Variants in NPR1 observed in about 807,000 individuals in gnomAD.
NPR1 encodes atrial natriuretic peptide receptor 1.
Under a neutral mutation model 116.9 loss-of-function variants are expected in NPR1, and 57 were observed. The ratio of observed to expected loss-of-function variants is 0.49; its 90% CI spans 0.39 to 0.61. The LOEUF (loss-of-function observed/expected upper bound fraction) is 0.61, where lower values mean the gene tolerates loss of function less well. Ranked by LOEUF, NPR1 falls within the 20% of genes least tolerant of loss-of-function variation. The pLI, the probability that NPR1 is intolerant of heterozygous loss-of-function variation, is 0.00. For missense variants in NPR1, 1,096 were observed against 1,409.8 expected, an observed-to-expected ratio of 0.78 and a Z score of 3.56; for synonymous variants, 555 against 601.6, an observed-to-expected ratio of 0.92 and a Z score of 1.13.
rs1208607085 is a variant in NPR1 at position 153,685,024 on chromosome 1, T to G, written c.1545T>G (p.Val515=). Residue 515 remains valine, a synonymous_variant, in exon 8 of 22, where the codon GTT becomes GTG. Transcript: ENST00000368680. ...SELWRVRWED[V]EPSSLERHLR... The stretch of plus-strand genomic sequence containing the variant: ...TGTGGCGGGTGCGCTGGGAGGACGT[T>G]GAGCCCAGTAGCCTTGAGAGGCACC... The G allele has an allele frequency of 6.2e-7, 1 of 1,614,032 alleles. No individual in the cohort carries two copies. Among genetic ancestry groups the G allele is most frequent in the Non-Finnish European group, 8.5e-7 (1 of 1,179,982 alleles).
At chr1:153,688,928 C>T (rs769835579) in intron 15 of NPR1, 25 bp from the exon 16 acceptor site, 12 of 1,613,534 alleles carry the variant, frequency 7.4e-6, no homozygotes, top group Non-Finnish European at 1.0e-5. Context: ...CTCTTACCAC[C>T]CCCACCGCCA....
At chr1:153,680,314 C>G (rs1355447879) in intron 1 of NPR1, among the ~76,000 whole-genome samples, 187 bp from the exon 2 acceptor site, 2 of 150,102 alleles carry the variant, frequency 1.3e-5, no homozygotes, top group Non-Finnish European at 3.0e-5. Context: ...CGCCCCGCAC[C>G]CGCCCGTTCC....
In NPR1 at chr1:153,680,488, C is replaced by A; in HGVS notation, c.722-13C>A. The A allele has an allele frequency of 3.7e-6, 6 of 1,613,560 alleles. No homozygotes were observed. Among genetic ancestry groups the A allele is most frequent in the East Asian group, 4.5e-5 (2 of 44,878 alleles). On this transcript the variant is annotated splice_polypyrimidine_tract_variant and intron_variant, in intron 1 of 21. Coordinates refer to ENST00000368680, the MANE Select transcript of NPR1 (RefSeq NM_000906.4). Reference sequence around the variant, plus strand: ...ACCTAGGCTTCTCTCTCTGACTCTCCGTCTTTCTCCAGTTATCTACATCTG... The same window carrying A: ...ACCTAGGCTTCTCTCTCTGACTCTCAGTCTTTCTCCAGTTATCTACATCTG...
chr1:153,685,963 A>G, intron 9 of NPR1, 83 bp downstream of exon 9: 1 of 1,457,300 alleles, frequency 6.9e-7, no homozygotes, highest in South Asian at 1.1e-5. Context: ...GTTCTGAGGG[A>G]AGGAGTAAGC....
Position 153,679,560 on chromosome 1 carries a change from A to T in NPR1, c.452A>T (p.Glu151Val), listed in dbSNP as rs1413374027. The T allele has an allele frequency of 6.4e-7, 1 of 1,553,922 alleles. No homozygotes were observed. The change falls in exon 1 of 22, where the codon GAG becomes GTG. Residue 151 changes from glutamate (E) to valine (V), a missense_variant. Glu to Val is a moderately radical substitution (Grantham distance 121). Transcript: ENST00000368680. The surrounding 1 kb of genome is among the most constrained non-coding windows in gnomAD (Gnocchi z 4.2). Reference sequence around the variant, plus strand: ...GCGCTGGGCTTCGGTGTCAAGGACGAGTATGCGCTGACCACCCGCGCGGGG... The same window carrying T: ...GCGCTGGGCTTCGGTGTCAAGGACGTGTATGCGCTGACCACCCGCGCGGGG... ...APALGFGVKD[E>V]YALTTRAGPS... is the part of the protein sequence containing the mutation.
Position 153,679,303 on chromosome 1 carries a change from G to T in NPR1, c.195G>T (p.Gln65His). Reference sequence around the variant, plus strand: ...CCGCCGTGGAGCTGGCCCTGGCCCAGGTGAAGGCGCGCCCCGACTTGCTGC... The same window carrying T: ...CCGCCGTGGAGCTGGCCCTGGCCCATGTGAAGGCGCGCCCCGACTTGCTGC... Reference protein sequence around the residue: ...VGPAVELALAQVKARPDLLPG... With the variant: ...VGPAVELALAHVKARPDLLPG... Residue 65 changes from glutamine (Q) to histidine (H), a missense_variant, in exon 1 of 22, where the codon CAG (glutamine) becomes CAT (histidine). Gln to His is a conservative substitution (Grantham distance 24). Coordinates refer to ENST00000368680, the MANE Select transcript of NPR1 (RefSeq NM_000906.4). The surrounding 1 kb of genome is among the most constrained non-coding windows in gnomAD (Gnocchi z 4.2). 6.5e-7 allele frequency: 1 copy of T among 1,532,074 alleles called. No homozygotes were observed. The highest frequency in any genetic ancestry group is 8.7e-7 in the Non-Finnish European group (1 of 1,145,160). The allele number at this position is 1,532,074 out of a possible 1,614,324, so 94.9% of individuals were successfully genotyped here. A position where few individuals can be genotyped will look rare whatever the true frequency, so the allele number is the denominator to read the frequency against.
rs749762743 is a variant in NPR1, at chr1:153,679,283, G to A, written c.175G>A (p.Val59Met). The A allele has an allele frequency of 1.2e-4, 176 of 1,529,370 alleles. 1 individual carries two copies. The highest frequency in any genetic ancestry group is 1.1e-3 in the Middle Eastern group (6 of 5,604). The allele number at this position is 1,529,370 out of a possible 1,614,324, so 94.7% of individuals were successfully genotyped here. A position where few individuals can be genotyped will look rare whatever the true frequency, so the allele number is the denominator to read the frequency against. ...PWSWARVGPA[V>M]ELALAQVKAR... ...GTCGTGGGCGCGCGTGGGACCCGCC[G>A]TGGAGCTGGCCCTGGCCCAGGTGAA... Residue 59 changes from valine (V) to methionine (M), a missense_variant, in exon 1 of 22, where the codon GTG becomes ATG. Val to Met is a conservative substitution (Grantham distance 21, BLOSUM62 1). Coordinates refer to ENST00000368680, the MANE Select transcript of NPR1 (RefSeq NM_000906.4). The surrounding 1 kb of genome is among the most constrained non-coding windows in gnomAD (Gnocchi z 4.2).
At chr1:153,685,406 G>A (rs1455076255) in intron 8 of NPR1, among the ~76,000 whole-genome samples, 1 of 152,104 alleles carries the variant, frequency 6.6e-6, no homozygotes, top group Non-Finnish European at 1.5e-5. Flanking sequence ...GCTCACATCT[G>A]CAATCCCAGC....
intron 9 of NPR1, 51 bp downstream of exon 9, chr1:153,685,931 T>G (rs372846167): frequency 6.5e-7 from 1 of 1,546,906 alleles, no homozygotes; most frequent in Non-Finnish European, 8.9e-7. Flanking sequence ...AGGAGTGTAC[T>G]CTGATGGAGG....
Position 153,679,667 on chromosome 1 carries a change from G to T in NPR1, c.559G>T (p.Ala187Ser), listed in dbSNP as rs753383835. 3.1e-6 allele frequency: 5 copies of T among 1,607,808 alleles called. No individual in the cohort carries two copies. The Admixed American group carries it at 6.7e-5, about 22-fold the overall frequency. The change falls in exon 1 of 22, where the codon GCC becomes TCC. Residue 187 changes from alanine to serine, a missense_variant. By Grantham distance (99) the Ala-to-Ser change is moderately conservative (BLOSUM62 1). Coordinates refer to ENST00000368680, the MANE Select transcript of NPR1 (RefSeq NM_000906.4). The surrounding 1 kb of genome is among the most constrained non-coding windows in gnomAD (Gnocchi z 4.2). ...GWERQALMLY[A>S]YRPGDEEHCF... The stretch of plus-strand genomic sequence containing the variant: ...GGAGCGCCAAGCGCTCATGCTCTAC[G>T]CCTACCGGCCGGGTGACGAAGAGCA...
At position 153,680,497 on chromosome 1, in the gene NPR1, C is replaced by G; in HGVS notation, c.722-4C>G. The G allele has an allele frequency of 6.2e-7, 1 of 1,614,052 alleles. No individual in the cohort carries two copies. Among genetic ancestry groups the G allele is most frequent in the Non-Finnish European group, 8.5e-7 (1 of 1,179,944 alleles). ...TCTCTCTCTGACTCTCCGTCTTTCT[C>G]CAGTTATCTACATCTGCAGCTCCCC... On this transcript the variant is annotated splice_polypyrimidine_tract_variant and splice_region_variant and intron_variant, in intron 1 of 21. Transcript: ENST00000368680.
At position 153,688,205 on chromosome 1, in the gene NPR1, T is replaced by C. The variant is rs921589548; in HGVS notation, c.2401T>C (p.Leu801=). 4.3e-6 allele frequency: 7 copies of C among 1,613,486 alleles called. No homozygotes were observed. The highest frequency in any genetic ancestry group is 5.9e-6 in the Non-Finnish European group (7 of 1,179,674). The part of the protein sequence containing the change: ...RPPFQQIRLT[L]RKFNRENSSN... ...ACCATTCCAGCAGATCCGCCTGACG[T>C]TGCGCAAATTTAACAGGTCCCTGGT... Residue 801 remains leucine, a synonymous_variant, in exon 15 of 22, where the codon TTG becomes CTG. Coordinates refer to ENST00000368680, the MANE Select transcript of NPR1 (RefSeq NM_000906.4).
Position 153,688,121 on chromosome 1 carries a change from C to G in NPR1, c.2317C>G (p.Leu773Val), listed in dbSNP as rs990919017. The change falls in exon 15 of 22, where the codon CTG becomes GTG. Residue 773 changes from leucine (L) to valine (V), a missense_variant. Leu to Val is a conservative substitution (Grantham distance 32, BLOSUM62 1). Coordinates refer to ENST00000368680, the MANE Select transcript of NPR1 (RefSeq NM_000906.4). ...FRPSLALQSH[L>V]EELGLLMQRC... ...GCCCTCCCTGGCCCTGCAGAGTCACCTGGAGGAGTTGGGGCTGCTCATGCA... is the reference window on the plus strand; with the variant it reads ...GCCCTCCCTGGCCCTGCAGAGTCACGTGGAGGAGTTGGGGCTGCTCATGCA... 49 of 1,613,796 alleles carry G rather than the reference C, an allele frequency of 3.0e-5. No individual in the cohort carries two copies. Among genetic ancestry groups the G allele is most frequent in the Non-Finnish European group, 4.0e-5 (47 of 1,179,802 alleles).
At chr1:153,683,603 G>A (rs960268533) in intron 6 of NPR1, 92 bp downstream of exon 6, 2 of 1,572,048 alleles carry the variant, frequency 1.3e-6, no homozygotes, top group Admixed American at 1.7e-5. Context: ...CCCATGCTGA[G>A]GGCTTTCTGG....
intron 13 of NPR1, 68 bp downstream of exon 13, chr1:153,687,424 C>T (rs1330279999): frequency 1.3e-6 from 2 of 1,565,630 alleles, no homozygotes; most frequent in East Asian, 2.3e-5. Context: ...GATGCAAGGC[C>T]TCTGATGGGC....
chr1:153,681,801 A>G lies in NPR1; in HGVS notation c.1133A>G (p.Glu378Gly), dbSNP rs780602651. ...LAHGGTVTDGENITQRMWNRS... is the reference protein window; with the variant it reads ...LAHGGTVTDGGNITQRMWNRS... ...CATGGGGGAACTGTTACTGATGGGG[A>G]GAACATCACTCAGCGGATGTGGAAC... The change falls in exon 4 of 22, where the codon GAG becomes GGG. Residue 378 changes from glutamate (E) to glycine (G), a missense_variant. Physicochemically the swap from Glu to Gly is moderately conservative, Grantham distance 98 (BLOSUM62 -2). Coordinates refer to ENST00000368680, the MANE Select transcript of NPR1 (RefSeq NM_000906.4). 8 of 1,613,988 alleles carry G rather than the reference A, an allele frequency of 5.0e-6. No individual in the cohort carries two copies. In the South Asian group the frequency reaches 8.8e-5, roughly 18 times the overall value.
chr1:153,683,750 C>T lies in NPR1; in HGVS notation c.1410C>T (p.Ser470=), dbSNP rs372128187. 7 of 1,614,020 alleles carry T rather than the reference C, an allele frequency of 4.3e-6. No homozygotes were observed. In the African/African-American group the frequency reaches 8.0e-5, roughly 18 times the overall value. ...GACTCTCTCCTGCAGATCACCTTTC[C>T]ACCCTGGAGGTGCTGGCTTTGGTGG... ...EDPACNQDHL[S]TLEVLALVGS... Residue 470 remains serine, a synonymous_variant, in exon 7 of 22, where the codon TCC becomes TCT. Transcript: ENST00000368680.
Position 153,693,457 on chromosome 1 carries a change from C to T in NPR1, c.*43C>T. 6.5e-7 allele frequency: 1 copy of T among 1,528,036 alleles called. No individual in the cohort carries two copies. The allele number at this position is 1,528,036 out of a possible 1,614,324, so 94.7% of individuals were successfully genotyped here. On this transcript the variant is annotated 3_prime_UTR_variant, in exon 22 of 22. Transcript: ENST00000368680. ...CCCTCCACACCTCCCTACCCTGTGC[C>T]AGAAGCAACAGAGGTGCCAGGCCTC...
Position 153,679,858 on chromosome 1 carries a change from G to T in NPR1, c.721+29G>T. On this transcript the variant is annotated intron_variant, in intron 1 of 21. Transcript: ENST00000368680. This position sits in a 1 kb window ranked among gnomAD's most constrained non-coding sequence, Gnocchi z 4.2. The stretch of plus-strand genomic sequence containing the variant: ...AGACGCTGGCACACCCCGTCCCGCC[G>T]CTTAGCCGCAGGGCCTCCCCTCTGA... 6.5e-7 allele frequency: 1 copy of T among 1,532,296 alleles called. No individual in the cohort carries two copies. The highest frequency in any genetic ancestry group is 8.7e-7 in the Non-Finnish European group (1 of 1,145,224). 94.9% of individuals were successfully genotyped at this position (1,532,296 alleles called of 1,614,324 possible).
Sources: gnomAD v4.1 joint callset for allele counts (sites outside exome capture counted in the v4.1 genomes callset) on GRCh38, gnomAD v4.1.1 for gene constraint, Gnocchi (gnomAD v3.1) non-coding constraint, MANE v1.5 for transcripts, NCBI Gene and HGNC (gene_info 2026-07-23, HGNC 2026-07-21) for gene names.